Variants in ASTN2 observed in about 807,000 individuals in gnomAD.
The protein encoded by ASTN2 is astrotactin-2.
ASTN2 carries 54 observed loss-of-function variants against 139.8 expected under a neutral mutation model. The ratio of observed to expected loss-of-function variants is 0.39; its 90% CI spans 0.31 to 0.48. The LOEUF (loss-of-function observed/expected upper bound fraction) is 0.48, where lower values mean the gene tolerates loss of function less well. Ranked by LOEUF, ASTN2 falls within the 20% of genes least tolerant of loss-of-function variation. The pLI is 0.95. For missense variants in ASTN2, 1,565 were observed against 1,725.1 expected (o/e 0.91, Z 1.64); for synonymous variants, 756 against 719.5 (o/e 1.05, Z -0.81).
Position 117,120,018 on chromosome 9 carries a change from G to GTATA in ASTN2, c.1168+21304_1168+21307dup, listed in dbSNP as rs200361826. On this transcript the variant is annotated intron_variant, in intron 4 of 22. Transcript: ENST00000313400. ...TGTGTGTGTGTGTGTGTGTGTGTGTGTATATATATATATATATATATATAT... is the reference window on the plus strand; with the variant it reads ...TGTGTGTGTGTGTGTGTGTGTGTGTGTATATATATATATATATATATATATATAT... Among the ~76,000 whole-genome samples, 289 of 45,972 alleles carry GTATA rather than the reference G, an allele frequency of 6.3e-3. 5 individuals are homozygous for GTATA. Among genetic ancestry groups the GTATA allele is most frequent in the South Asian group, 0.018 (16 of 906 alleles). The allele number at this position is 45,972 out of a possible 152,430, so 30.2% of individuals were successfully genotyped here.
intron 1 of ASTN2, among the ~76,000 whole-genome samples, chr9:117,299,548 G>A (rs1450355456): frequency 2.0e-5 from 3 of 152,136 alleles, no homozygotes; most frequent in African/African-American, 7.2e-5. Context: ...AGGGAAGGAA[G>A]GCAAGAAGGT....
intron 3 of ASTN2, among the ~76,000 whole-genome samples, chr9:117,211,491 C>T (rs1009389409): frequency 6.6e-6 from 1 of 152,172 alleles, no homozygotes; most frequent in African/African-American, 2.4e-5. Flanking sequence ...CTCTCTCTCT[C>T]TCCTGCTGTG....
chr9:117,196,878 TAGATCTGTGTAGAAAAGC>T (rs1182324452), intron 3 of ASTN2, among the ~76,000 whole-genome samples: 1 of 152,138 alleles, frequency 6.6e-6, no homozygotes, highest in Non-Finnish European at 1.5e-5. Flanking sequence ...GTTGTTTGTG[TAGATCTGTGTAGAAAAGC>T]ATACCCAGCT....
At chr9:117,381,162 T>G (rs1222588980) in intron 1 of ASTN2, among the ~76,000 whole-genome samples, 1 of 152,204 alleles carries the variant, frequency 6.6e-6, no homozygotes, top group African/African-American at 2.4e-5. Context: ...ATGATTTCAC[T>G]TATATGAAAT....
chr9:116,603,937 T>C (rs1313388073), intron 19 of ASTN2, among the ~76,000 whole-genome samples: 1 of 152,126 alleles, frequency 6.6e-6, no homozygotes, highest in Non-Finnish European at 1.5e-5. Flanking sequence ...ATATAATTAA[T>C]TAGTGGAACC....
intron 22 of ASTN2, among the ~76,000 whole-genome samples, chr9:116,433,040 C>G (rs1278213513): frequency 8.5e-5 from 13 of 152,152 alleles, no homozygotes. Context: ...TTTCAAAACA[C>G]AGCAACTCTT....
chr9:117,036,242 G>C (rs1002191298), intron 6 of ASTN2, among the ~76,000 whole-genome samples: 1 of 152,180 alleles, frequency 6.6e-6, no homozygotes, highest in Non-Finnish European at 1.5e-5. Flanking sequence ...ATTATGGCAT[G>C]TAAGGGATGG....
intron 12 of ASTN2, among the ~76,000 whole-genome samples, chr9:116,810,457 T>C (rs893084561): frequency 6.6e-6 from 1 of 152,158 alleles, no homozygotes; most frequent in African/African-American, 2.4e-5. Context: ...ATAAAGAAGA[T>C]CATGTGTGCC....
chr9:117,259,716 A>G (rs1162848697), intron 2 of ASTN2, among the ~76,000 whole-genome samples: 1 of 152,144 alleles, frequency 6.6e-6, no homozygotes, highest in African/African-American at 2.4e-5. Flanking sequence ...TGTACATCTT[A>G]CATGTATTGA....
intron 11 of ASTN2, among the ~76,000 whole-genome samples, chr9:116,828,229 G>A (rs1277083939): frequency 9.9e-5 from 15 of 151,298 alleles, no homozygotes; most frequent in Admixed American, 9.2e-4. Context: ...CCCGGGAGGT[G>A]GAGGTTGCAG....
intron 19 of ASTN2, among the ~76,000 whole-genome samples, chr9:116,488,626 G>A (rs1849413680): frequency 6.6e-6 from 1 of 151,856 alleles, no homozygotes; most frequent in South Asian, 2.1e-4. Context: ...GAATATGAAA[G>A]GATATTTATG....
At chr9:116,585,690 T>C (rs758736167) in intron 19 of ASTN2, 5 of 152,150 alleles carry the variant, frequency 3.3e-5, no homozygotes, top group Non-Finnish European at 5.9e-5. Flanking sequence ...AAGATTTAAA[T>C]TTAAGTCCTC....
At chr9:116,725,281 G>A (rs1255131830) in intron 16 of ASTN2, among the ~76,000 whole-genome samples, 2 of 152,018 alleles carry the variant, frequency 1.3e-5, no homozygotes, top group South Asian at 2.1e-4. Flanking sequence ...GAGGATAAAA[G>A]CCTCACCACA....
At chr9:117,120,920 G>C (rs1435595107) in intron 4 of ASTN2, among the ~76,000 whole-genome samples, 1 of 152,222 alleles carries the variant, frequency 6.6e-6, no homozygotes, top group Non-Finnish European at 1.5e-5. Context: ...GAGGGTAACA[G>C]TGAGCTAATA....
At position 116,490,272 on chromosome 9, in the gene ASTN2, TAAAAAAAAAA is replaced by T. The variant is rs140391473; in HGVS notation, c.3356-2782_3356-2773del. On this transcript the variant is annotated intron_variant, in intron 19 of 22. Coordinates refer to ENST00000313400, the MANE Select transcript of ASTN2 (RefSeq NM_001365068.1). ...CCAGAGCAATGTATGTGATAAAAAGTAAAAAAAAAAAAAAAAAAAAAAAAAAAAAAAGGGG... is the reference window on the plus strand; with the variant it reads ...CCAGAGCAATGTATGTGATAAAAAGTAAAAAAAAAAAAAAAAAAAAAGGGG... Among the ~76,000 whole-genome samples the T allele has an allele frequency of 4.5e-4, 17 of 37,906 alleles. No individual in the cohort carries two copies. The East Asian group carries it at 6.8e-3, about 15-fold the overall frequency. 24.9% of individuals were successfully genotyped at this position (37,906 alleles called of 152,430 possible).
At chr9:117,299,469 C>T (rs1834822335) in intron 1 of ASTN2, among the ~76,000 whole-genome samples, 1 of 152,106 alleles carries the variant, frequency 6.6e-6, no homozygotes, top group Admixed American at 6.5e-5. Flanking sequence ...GGAGGAGTCT[C>T]AAAGAATTGG....
chr9:116,870,719 G>T (rs1212034187), intron 10 of ASTN2, among the ~76,000 whole-genome samples: 1 of 152,186 alleles, frequency 6.6e-6, no homozygotes, highest in Non-Finnish European at 1.5e-5. Flanking sequence ...ATTTGGCTGA[G>T]TCAGCCCAAG....
intron 2 of ASTN2, among the ~76,000 whole-genome samples, chr9:117,234,156 A>C (rs190804094): frequency 4.6e-4 from 70 of 152,294 alleles, no homozygotes; most frequent in African/African-American, 1.5e-3. Context: ...TCAGAGGGCA[A>C]GAGGGTAGAG....
chr9:116,534,680 T>C (rs1851529314), intron 19 of ASTN2, among the ~76,000 whole-genome samples: 2 of 152,208 alleles, frequency 1.3e-5, no homozygotes, highest in Non-Finnish European at 2.9e-5. Flanking sequence ...TTTGAGTGAG[T>C]TTCTTAATCC....
Sources: gnomAD v4.1 joint callset for allele counts (sites outside exome capture counted in the v4.1 genomes callset) on GRCh38, gnomAD v4.1.1 for gene constraint, MANE v1.5 for transcripts, NCBI Gene and HGNC (gene_info 2026-07-23, HGNC 2026-07-21) for gene names.